The following ADAMTS6 variants were observed in gnomAD, a reference collection of about 807,000 sequenced individuals.
ADAMTS6 encodes ADAM metallopeptidase with thrombospondin type 1 motif 6.
Under a neutral mutation model 144.3 loss-of-function variants are expected in ADAMTS6, and 23 were observed. That is an observed-to-expected ratio of 0.16 (90% CI 0.11 to 0.23). The LOEUF (loss-of-function observed/expected upper bound fraction) is 0.23. Among genes scored for constraint, ADAMTS6 ranks in the 10% least tolerant of loss-of-function variants. ADAMTS6 has a pLI of 1.00. For missense variants in ADAMTS6, 999 were observed against 1,379.6 expected (o/e 0.72, Z 4.37); for synonymous variants, 444 against 457.5 (o/e 0.97, Z 0.38).
chr5:65,326,843 C>T (rs527656690), intron 9 of ADAMTS6, among the ~76,000 whole-genome samples: 1 of 152,088 alleles, frequency 6.6e-6, no homozygotes, highest in Non-Finnish European at 1.5e-5. Flanking sequence ...AAGGCTAAAC[C>T]CTAAGATCTT....
intron 16 of ADAMTS6, 75 bp downstream of exon 16, chr5:65,226,011 G>A: frequency 1.1e-5 from 16 of 1,444,114 alleles, no homozygotes; most frequent in South Asian, 1.5e-5. Context: ...ATTAAACATA[G>A]TATTAAATAG....
At chr5:65,311,517 C>T (rs971010805) in intron 9 of ADAMTS6, among the ~76,000 whole-genome samples, 3 of 151,994 alleles carry the variant, frequency 2.0e-5, no homozygotes, top group Non-Finnish European at 4.4e-5. Context: ...TTTAACAAAA[C>T]AAAATTTCCT....
intron 7 of ADAMTS6, among the ~76,000 whole-genome samples, chr5:65,423,267 C>T (rs969746769): frequency 1.3e-5 from 2 of 152,074 alleles, no homozygotes; most frequent in Non-Finnish European, 2.9e-5. Context: ...GACTTCATCC[C>T]TATACAGTTC....
chr5:65,325,257 C>G (rs1331486193), intron 9 of ADAMTS6, among the ~76,000 whole-genome samples: 1 of 151,992 alleles, frequency 6.6e-6, no homozygotes, highest in African/African-American at 2.4e-5. Flanking sequence ...GCTCACTGAA[C>G]CATATACAGA....
At chr5:65,181,168 T>C (rs996811081) in intron 22 of ADAMTS6, among the ~76,000 whole-genome samples, 3 of 152,248 alleles carry the variant, frequency 2.0e-5, no homozygotes, top group Non-Finnish European at 4.4e-5. Flanking sequence ...ATGTACTTTA[T>C]ATGTATTGTC....
chr5:65,421,757 C>G (rs533457928), intron 7 of ADAMTS6, among the ~76,000 whole-genome samples: 3 of 152,022 alleles, frequency 2.0e-5, no homozygotes, highest in African/African-American at 7.2e-5. Flanking sequence ...TGGATAGCCA[C>G]GTGTAGAAGA....
intron 20 of ADAMTS6, among the ~76,000 whole-genome samples, chr5:65,209,653 C>T (rs1379725551): frequency 1.3e-5 from 2 of 152,186 alleles, no homozygotes; most frequent in Non-Finnish European, 2.9e-5. Context: ...TGCTCCCAAA[C>T]TCAATTAAAG....
At chr5:65,403,664 C>T (rs1450886726) in intron 7 of ADAMTS6, among the ~76,000 whole-genome samples, 1 of 151,976 alleles carries the variant, frequency 6.6e-6, no homozygotes, top group Non-Finnish European at 1.5e-5. Flanking sequence ...AACTAGTTAC[C>T]ATGTAAAATA....
chr5:65,478,026 C>T (rs1760956997), intron 1 of ADAMTS6, among the ~76,000 whole-genome samples: 1 of 151,866 alleles, frequency 6.6e-6, no homozygotes, highest in Non-Finnish European at 1.5e-5. Context: ...ACTCAGGGGG[C>T]TGAGGCAAGA....
At chr5:65,257,005 TTTTTG>T in intron 14 of ADAMTS6, among the ~76,000 whole-genome samples, 1 of 147,202 alleles carries the variant, frequency 6.8e-6, no homozygotes, top group Non-Finnish European at 1.5e-5. Flanking sequence ...TTTTTTTTTT[TTTTTG>T]CTTAAGACAA....
At chr5:65,249,753 G>A (rs1759986932) in intron 14 of ADAMTS6, among the ~76,000 whole-genome samples, 1 of 152,192 alleles carries the variant, frequency 6.6e-6, no homozygotes, top group African/African-American at 2.4e-5. Flanking sequence ...TAAAGTGGTT[G>A]ACACATATTT....
chr5:65,450,190 C>T (rs1258680897), intron 7 of ADAMTS6, among the ~76,000 whole-genome samples: 2 of 152,086 alleles, frequency 1.3e-5, no homozygotes, highest in African/African-American at 4.8e-5. Flanking sequence ...CACATTTTAT[C>T]AGACTAAAAT....
Position 65,409,884 on chromosome 5 carries a change from C to A in ADAMTS6, c.1073+41591G>T, listed in dbSNP as rs146319657. 5.6e-3 allele frequency among the ~76,000 whole-genome samples: 852 copies of A among 152,200 alleles called. 6 individuals are homozygous for A. Among genetic ancestry groups the A allele is most frequent in the African/African-American group, 0.019 (805 of 41,538 alleles). ...ACGTAATCCATCATATAAACAGAAC[C>A]AAAGACAAAAACTACATGATTATCT... On this transcript the variant is annotated intron_variant, in intron 7 of 24. Coordinates refer to ENST00000381055, the MANE Select transcript of ADAMTS6 (RefSeq NM_197941.4).
At chr5:65,415,658 T>TAA in intron 7 of ADAMTS6, 1 of 273,610 alleles carries the variant, frequency 3.7e-6, no homozygotes, top group Non-Finnish European at 7.2e-6. Context: ...AAGGATGAGG[T>TAA]TTTGAAGATT....
At chr5:65,227,650 C>G (rs1057032852) in intron 15 of ADAMTS6, among the ~76,000 whole-genome samples, 13 of 152,122 alleles carry the variant, frequency 8.5e-5, no homozygotes, top group African/African-American at 2.9e-4. Flanking sequence ...AGAAAATCGA[C>G]TGGGTGGTAG....
rs1209550623 is a variant in ADAMTS6 at position 65,256,988 on chromosome 5, T to C, written c.1830+3612A>G. On this transcript the variant is annotated intron_variant, in intron 14 of 24. Coordinates refer to ENST00000381055, the MANE Select transcript of ADAMTS6 (RefSeq NM_197941.4). The stretch of plus-strand genomic sequence containing the variant: ...CTCTCTCTCTCTCTCTCTCTCTCTT[T>C]TTTTTTTTTTTTTTTTTTTTTGCTT... Among the ~76,000 whole-genome samples, 66 of 137,774 alleles carry C rather than the reference T, an allele frequency of 4.8e-4. No individual in the cohort carries two copies. The East Asian group carries it at 8.4e-3, about 17-fold the overall frequency. The allele number at this position is 137,774 out of a possible 152,430, so 90.4% of individuals were successfully genotyped here.
intron 24 of ADAMTS6, among the ~76,000 whole-genome samples, chr5:65,154,026 G>C (rs1199314854): frequency 6.6e-6 from 1 of 152,012 alleles, no homozygotes; most frequent in African/African-American, 2.4e-5. Context: ...TAGCCAACAT[G>C]GTGAAACCGC....
intron 11 of ADAMTS6, among the ~76,000 whole-genome samples, chr5:65,290,046 A>G (rs1742131966): frequency 6.6e-6 from 1 of 152,188 alleles, no homozygotes; most frequent in Admixed American, 6.5e-5. Context: ...ATATAATCAC[A>G]CACAATCTTT....
At chr5:65,339,572 A>G (rs768494848) in intron 7 of ADAMTS6, among the ~76,000 whole-genome samples, 2 of 151,952 alleles carry the variant, frequency 1.3e-5, no homozygotes, top group Non-Finnish European at 2.9e-5. Context: ...AATCTTAAGG[A>G]AAGTGAGATA....
Sources: allele counts gnomAD v4.1 joint callset (sites outside exome capture counted in the v4.1 genomes callset), GRCh38; gene constraint gnomAD v4.1.1; transcripts MANE v1.5; gene names NCBI Gene and HGNC (gene_info 2026-07-23, HGNC 2026-07-21).